Variants in ETS1 observed in about 807,000 individuals in gnomAD.
ETS1 encodes protein C-ets-1.
ETS1 carries 15 observed loss-of-function variants against 58.6 expected under a neutral mutation model. The ratio of observed to expected loss-of-function variants is 0.26; its 90% CI spans 0.17 to 0.39. The LOEUF is 0.39. ETS1 is among the 10% of genes least tolerant of loss of function. ETS1 has a pLI of 1.00. For missense variants in ETS1, 417 were observed against 610.5 expected (o/e 0.68, Z 3.34); for synonymous variants, 214 against 218.2 (o/e 0.98, Z 0.17).
chr11:128,559,507 A>C (rs1864370839), intron 2 of ETS1, among the ~76,000 whole-genome samples: 1 of 151,908 alleles, frequency 6.6e-6, no homozygotes, highest in Admixed American at 6.6e-5. Context: ...TATAAATGAA[A>C]CCCTCTGTAT....
rs1863941545 is a variant in ETS1, at chr11:128,534,321, G to A, written c.214+21970C>T. ...GGATGTCCCATACAGATGAGTAGAT[G>A]ACTAGACTATAAAGAAATCCCATAT... On this transcript the variant is annotated intron_variant, in intron 3 of 9. Transcript: ENST00000392668. Among the ~76,000 whole-genome samples, 3 of 152,260 alleles carry A rather than the reference G, an allele frequency of 2.0e-5. 1 individual carries two copies. In the South Asian group the frequency reaches 6.2e-4, roughly 32 times the overall value.
chr11:128,470,767 T>C (rs902536953), intron 8 of ETS1, among the ~76,000 whole-genome samples: 1 of 152,132 alleles, frequency 6.6e-6, no homozygotes, highest in African/African-American at 2.4e-5. Context: ...TATGGCAACT[T>C]TGAAAAAGTA....
intron 3 of ETS1, among the ~76,000 whole-genome samples, chr11:128,528,414 T>G (rs4937342): frequency 0.053 from 8,070 of 152,194 alleles, 251 homozygotes; most frequent in South Asian, 0.068. Flanking sequence ...TTTCCTCACA[T>G]GGACATTTGC....
chr11:128,585,477 C>A (rs1865015730), intron 1 of ETS1, among the ~76,000 whole-genome samples: 1 of 152,008 alleles, frequency 6.6e-6, no homozygotes, highest in Non-Finnish European at 1.5e-5. Context: ...ATCTATTCAC[C>A]AATAATTAAA....
intron 3 of ETS1, among the ~76,000 whole-genome samples, chr11:128,533,265 C>T (rs1169574255): frequency 6.6e-6 from 1 of 152,224 alleles, no homozygotes; most frequent in African/African-American, 2.4e-5. Context: ...CATCGCAATA[C>T]ACAAGGGCTG....
rs1423266564 is a variant in ETS1, at chr11:128,486,145, C to G, written c.537G>C (p.Glu179Asp). 6.3e-7 allele frequency: 1 copy of G among 1,597,624 alleles called. No individual in the cohort carries two copies. The highest frequency in any genetic ancestry group is 2.2e-5 in the East Asian group (1 of 44,772). Residue 179 changes from glutamate to aspartate, a missense_variant and splice_region_variant, in exon 6 of 10, where the codon GAG (glutamate) becomes GAC (aspartate). By Grantham distance (45) the Glu-to-Asp change is conservative. Around this residue, in one of 4 missense-constraint regions of ETS1, gnomAD observed 132 missense variants for 212.1 expected, o/e 0.62. Coordinates refer to ENST00000392668, the MANE Select transcript of ETS1 (RefSeq NM_001143820.2). ...CATTAACTTGATATGGTTTCACATC[C>G]TCTGTAATGAACAGATAGGGAAGGA... ...LWEHLEILQK[E>D]DVKPYQVNGV... is the part of the protein sequence containing the mutation.
At chr11:128,581,419 G>C (rs188041344) in intron 1 of ETS1, among the ~76,000 whole-genome samples, 1 of 152,286 alleles carries the variant, frequency 6.6e-6, no homozygotes, top group Admixed American at 6.5e-5. Flanking sequence ...CAAATGCTAT[G>C]CCTCAAATCC....
At chr11:128,573,007 GGA>G in intron 2 of ETS1, 53 bp downstream of exon 2, 1 of 1,409,324 alleles carries the variant, frequency 7.1e-7, no homozygotes, top group Non-Finnish European at 9.9e-7. Context: ...GGAAGCACAA[GGA>G]GGAGGGGAGA....
intron 2 of ETS1, among the ~76,000 whole-genome samples, chr11:128,566,724 T>A (rs898215999): frequency 1.6e-4 from 24 of 150,282 alleles, no homozygotes; most frequent in East Asian, 5.9e-4. Flanking sequence ...CAGAGCCTGC[T>A]GTGAGCCGAG....
intron 3 of ETS1, among the ~76,000 whole-genome samples, chr11:128,540,685 C>T (rs1227088558): frequency 6.6e-6 from 1 of 152,134 alleles, no homozygotes; most frequent in Admixed American, 6.5e-5. Flanking sequence ...AGAGAGGCTG[C>T]CCGGGAAACT....
chr11:128,547,106 C>A (rs1276802980), intron 3 of ETS1, among the ~76,000 whole-genome samples: 1 of 152,166 alleles, frequency 6.6e-6, no homozygotes, highest in Non-Finnish European at 1.5e-5. Context: ...AAACAACTTC[C>A]AGATTTAAAT....
At chr11:128,546,447 T>C (rs1864133602) in intron 3 of ETS1, among the ~76,000 whole-genome samples, 1 of 152,306 alleles carries the variant, frequency 6.6e-6, no homozygotes, top group South Asian at 2.1e-4. Flanking sequence ...CCAAAATTCA[T>C]ATACGCTCAA....
chr11:128,462,456 C>T lies in ETS1; in HGVS notation c.1363G>A (p.Val455Met), dbSNP rs2135407539. The T allele has an allele frequency of 2.5e-6, 4 of 1,614,170 alleles. No homozygotes were observed. Among genetic ancestry groups the T allele is most frequent in the Non-Finnish European group, 3.4e-6 (4 of 1,180,022 alleles). Residue 455 changes from valine to methionine, a missense_variant, in exon 10 of 10, where the codon GTG becomes ATG. Around this residue, in one of 4 missense-constraint regions of ETS1, gnomAD observed 56 missense variants for 156.1 expected, o/e 0.36. Coordinates refer to ENST00000392668, the MANE Select transcript of ETS1 (RefSeq NM_001143820.2). Reference protein sequence around the residue: ...IIHKTAGKRYVYRFVCDLQSL... With the variant: ...IIHKTAGKRYMYRFVCDLQSL... ...TGCAGGTCACACACAAAGCGGTACA[C>T]GTAGCGTTTCCCCGCTGTCTTGTGG...
chr11:128,564,101 C>T (rs181911916), intron 2 of ETS1, among the ~76,000 whole-genome samples: 6 of 152,208 alleles, frequency 3.9e-5, no homozygotes, highest in East Asian at 3.9e-4. Flanking sequence ...TGGGCAAGGG[C>T]GTGGTTTCTG....
intron 2 of ETS1, among the ~76,000 whole-genome samples, chr11:128,562,978 AAAG>A (rs1268584135): frequency 6.6e-6 from 1 of 152,134 alleles, no homozygotes; most frequent in Non-Finnish European, 1.5e-5. Flanking sequence ...AAAAAAAAAA[AAAG>A]AATAGGAGAA....
intron 3 of ETS1, among the ~76,000 whole-genome samples, chr11:128,521,393 A>T (rs1261193302): frequency 6.6e-6 from 1 of 152,142 alleles, no homozygotes; most frequent in Non-Finnish European, 1.5e-5. Flanking sequence ...CTTACCCTCA[A>T]CCCAGAAAAG....
At chr11:128,532,608 A>T (rs759838824) in intron 3 of ETS1, among the ~76,000 whole-genome samples, 1 of 151,508 alleles carries the variant, frequency 6.6e-6, no homozygotes, top group Non-Finnish European at 1.5e-5. Context: ...GAGCAAATAA[A>T]TGATGGGGAC....
intron 3 of ETS1, among the ~76,000 whole-genome samples, chr11:128,531,242 C>A (rs1863892731): frequency 6.6e-6 from 1 of 152,174 alleles, no homozygotes; most frequent in African/African-American, 2.4e-5. Flanking sequence ...CCTCAGAAAG[C>A]CTCAGTTTCT....
intron 3 of ETS1, among the ~76,000 whole-genome samples, chr11:128,554,771 A>G (rs947722155): frequency 3.9e-5 from 6 of 152,102 alleles, no homozygotes; most frequent in Non-Finnish European, 7.3e-5. Flanking sequence ...ATTGGGAGAT[A>G]TAAGACTTAA....
Sources: gnomAD v4.1 joint callset for allele counts (sites outside exome capture counted in the v4.1 genomes callset) on GRCh38, gnomAD v4.1.1 for gene constraint, gnomAD v4.1.1 regional missense constraint, MANE v1.5 for transcripts, NCBI Gene and HGNC (gene_info 2026-07-23, HGNC 2026-07-21) for gene names.